Variants in NEDD4L observed in about 807,000 individuals in gnomAD.
NEDD4L encodes the protein E3 ubiquitin-protein ligase NEDD4-like.
Under a neutral mutation model 148.9 loss-of-function variants are expected in NEDD4L, and 54 were observed. That is an observed-to-expected ratio of 0.36 (90% confidence interval 0.29 to 0.45). NEDD4L has a LOEUF of 0.45. NEDD4L is among the 20% of genes least tolerant of loss of function. The probability of loss-of-function intolerance (pLI) is 1.00; values close to 1 mark genes in which losing one functional copy is unlikely to be tolerated. For missense variants in NEDD4L, 856 were observed against 1,233.8 expected (o/e 0.69, Z 4.59); for synonymous variants, 433 against 440.7 (o/e 0.98, Z 0.22).
chr18:58,343,650 T>A (rs988615712), intron 16 of NEDD4L, among the ~76,000 whole-genome samples: 4 of 152,262 alleles, frequency 2.6e-5, no homozygotes, highest in Admixed American at 1.3e-4. Context: ...CTCCTTTTTG[T>A]GATCATTTTG....
chr18:58,226,098 G>T (rs574879384), intron 2 of NEDD4L, among the ~76,000 whole-genome samples: 56 of 152,248 alleles, frequency 3.7e-4, no homozygotes, highest in African/African-American at 1.3e-3. Context: ...AGGGTAAGTG[G>T]CCATTGATCT....
chr18:58,240,048 C>G (rs2046450044), intron 2 of NEDD4L, among the ~76,000 whole-genome samples: 1 of 152,184 alleles, frequency 6.6e-6, no homozygotes. Context: ...GGATTTCCTG[C>G]TGAGTATCTT....
chr18:58,078,497 G>T (rs1249843674), intron 1 of NEDD4L, among the ~76,000 whole-genome samples: 1 of 152,206 alleles, frequency 6.6e-6, no homozygotes, highest in Non-Finnish European at 1.5e-5. Context: ...TCTCTCAGTA[G>T]TTGCTCTGTG....
chr18:58,128,330 G>A (rs2031503651), intron 1 of NEDD4L, among the ~76,000 whole-genome samples: 1 of 152,056 alleles, frequency 6.6e-6, no homozygotes, highest in Non-Finnish European at 1.5e-5. Context: ...ATTTATTTTA[G>A]CATCCCTTCT....
Position 58,335,509 on chromosome 18 carries a change from C to T in NEDD4L, c.1097C>T (p.Ser366Leu). 6.2e-7 allele frequency: 1 copy of T among 1,613,658 alleles called. No individual in the cohort carries two copies. The change falls in exon 13 of 31, where the codon TCA (serine) becomes TTA (leucine). Residue 366 changes from serine to leucine, a missense_variant. By Grantham distance (145) the Ser-to-Leu change is moderately radical (BLOSUM62 -2). Around this residue, in one of 4 missense-constraint regions of NEDD4L, gnomAD observed 367 missense variants for 422.7 expected, o/e 0.87. Transcript: ENST00000400345. The stretch of plus-strand genomic sequence containing the variant: ...GCCCCAGCTGGGAGAGCGCGTTCAT[C>T]AACTGTCACGGGTGGTGAGGAACCA... Reference protein sequence around the residue: ...PSAPAGRARSSTVTGGEEPTP... With the variant: ...PSAPAGRARSLTVTGGEEPTP...
At chr18:58,355,464 C>G (rs2044481618) in intron 18 of NEDD4L, among the ~76,000 whole-genome samples, 1 of 152,182 alleles carries the variant, frequency 6.6e-6, no homozygotes, top group South Asian at 2.1e-4. Context: ...GCTTGAAGTT[C>G]AGGTCTGGTC....
At chr18:58,103,930 C>T (rs2145542589) in intron 1 of NEDD4L, among the ~76,000 whole-genome samples, 1 of 152,326 alleles carries the variant, frequency 6.6e-6, no homozygotes, top group Non-Finnish European at 1.5e-5. Context: ...ATTAAAGGAT[C>T]TCTCAGAACC....
chr18:58,388,874 C>T, intron 27 of NEDD4L: 4 of 579,190 alleles, frequency 6.9e-6, no homozygotes, highest in South Asian at 2.0e-5. Context: ...GCGCAAGGTT[C>T]GAATTGAGCT....
intron 1 of NEDD4L, among the ~76,000 whole-genome samples, chr18:58,153,443 G>A (rs979558371): frequency 5.3e-5 from 8 of 150,854 alleles, no homozygotes; most frequent in Non-Finnish European, 7.4e-5. Context: ...AGGTTCCAGC[G>A]GTTCTCCTGC....
At chr18:58,158,260 G>T (rs9957844) in intron 1 of NEDD4L, among the ~76,000 whole-genome samples, 73,790 of 152,078 alleles carry the variant, frequency 0.49, 18,160 homozygotes, top group Admixed American at 0.56. Context: ...TTCCCCAGAG[G>T]GAATGATCCA....
intron 2 of NEDD4L, among the ~76,000 whole-genome samples, chr18:58,214,815 T>TTTTTTTTTA (rs1291603873): frequency 7.9e-6 from 1 of 127,120 alleles, no homozygotes; most frequent in Non-Finnish European, 1.7e-5. Flanking sequence ...TTTTTTTTTT[T>TTTTTTTTTA]TTGTTGTTGT....
intron 19 of NEDD4L, among the ~76,000 whole-genome samples, chr18:58,363,458 A>T (rs551416308): frequency 5.2e-4 from 79 of 152,272 alleles, no homozygotes; most frequent in African/African-American, 1.8e-3. Context: ...TGCTCATAAA[A>T]ATATCGTAAG....
rs376866763 is a variant in NEDD4L, at chr18:58,122,393, A to G, written c.49-43395A>G. 5.5e-4 allele frequency among the ~76,000 whole-genome samples: 83 copies of G among 152,226 alleles called. 1 individual carries two copies. The highest frequency in any genetic ancestry group is 1.9e-3 in the African/African-American group (80 of 41,546). ...CGGGCGCCTGTAATTCCAGCTACTC[A>G]GGAGGCTGAGGCAGGAGAATAGCTT... On this transcript the variant is annotated intron_variant, in intron 1 of 30. Transcript: ENST00000400345.
At chr18:58,235,784 G>GT (rs1453812390) in intron 2 of NEDD4L, among the ~76,000 whole-genome samples, 25 of 151,962 alleles carry the variant, frequency 1.6e-4, no homozygotes, top group African/African-American at 2.4e-4. Flanking sequence ...CTCTGTGGGT[G>GT]TTTTCTTTTA....
intron 1 of NEDD4L, among the ~76,000 whole-genome samples, chr18:58,055,779 C>T (rs2082062065): frequency 6.6e-6 from 1 of 152,218 alleles, no homozygotes; most frequent in South Asian, 2.1e-4. Context: ...GTTTGAATTT[C>T]CATCCTTCTG....
chr18:58,282,097 T>C (rs1337524605), intron 5 of NEDD4L, among the ~76,000 whole-genome samples: 1 of 141,928 alleles, frequency 7.0e-6, no homozygotes, highest in East Asian at 1.9e-4. Context: ...GGTAAGGTTG[T>C]ATCTAGTTAT....
intron 23 of NEDD4L, 142 bp downstream of exon 23, chr18:58,370,609 A>G (rs2046732654): frequency 1.5e-6 from 1 of 678,556 alleles, no homozygotes; most frequent in East Asian, 2.7e-5. Context: ...TAATTGCTTG[A>G]AAAGTTCATT....
intron 18 of NEDD4L, among the ~76,000 whole-genome samples, chr18:58,351,676 T>C (rs8097018): frequency 0.34 from 50,980 of 152,062 alleles, 9,068 homozygotes; most frequent in African/African-American, 0.45. Context: ...TTCTCATTCT[T>C]TTTGGAGGTG....
intron 18 of NEDD4L, among the ~76,000 whole-genome samples, chr18:58,352,448 A>G (rs2044011904): frequency 6.6e-6 from 1 of 152,168 alleles, no homozygotes; most frequent in Non-Finnish European, 1.5e-5. Context: ...TGAGGTCAGG[A>G]GTTCGAGATT....
Sources: gnomAD v4.1 joint callset for allele counts (sites outside exome capture counted in the v4.1 genomes callset) on GRCh38, gnomAD v4.1.1 for gene constraint, gnomAD v4.1.1 regional missense constraint, MANE v1.5 for transcripts, NCBI Gene and HGNC (gene_info 2026-07-23, HGNC 2026-07-21) for gene names.